The following CSGALNACT1 variants were observed in gnomAD, a reference collection of about 807,000 sequenced individuals.
The protein encoded by CSGALNACT1 is chondroitin sulfate N-acetylgalactosaminyltransferase 1, also known as beta4GalNAcT-1.
In CSGALNACT1, 52 loss-of-function variants were observed where a neutral mutation model predicts 51.0. The ratio of observed to expected loss-of-function variants is 1.02; its 90% CI spans 0.82 to 1.29. The LOEUF (loss-of-function observed/expected upper bound fraction) is 1.29. Ranked by LOEUF, CSGALNACT1 falls within the 50% of genes most tolerant of loss-of-function variation. The pLI is 0.00. For missense variants in CSGALNACT1, 935 were observed against 679.2 expected (o/e 1.38, Z -4.19); for synonymous variants, 341 against 254.4 (o/e 1.34, Z -3.24).
rs536366613 is a variant in CSGALNACT1 at position 19,629,424 on chromosome 8, A to G, written c.-543-27559T>C. 9.8e-5 allele frequency among the ~76,000 whole-genome samples: 15 copies of G among 152,338 alleles called. No homozygotes were observed. The South Asian group carries it at 1.0e-3, about 11-fold the overall frequency. ...TCTGTTTGAATCCTCGTAGGTAACT[A>G]TGAAGCAGGTATAGCTGTTCCCATT... On this transcript the variant is annotated intron_variant, in intron 1 of 9. Coordinates refer to the CSGALNACT1 transcript ENST00000332246.
intron 1 of CSGALNACT1, among the ~76,000 whole-genome samples, chr8:19,708,332 G>A (rs2062302640): frequency 6.6e-6 from 1 of 152,198 alleles, no homozygotes; most frequent in Non-Finnish European, 1.5e-5. Flanking sequence ...CCATCAGCGT[G>A]AGGTATTTTC....
chr8:19,440,053 A>T lies in CSGALNACT1; in HGVS notation c.852-122T>A, dbSNP rs549911355. ...AGGAAACTAGGTAAACTTCCAGGAG[A>T]GCCGAGATGGGAATCCAGAACCTTT... On this transcript the variant is annotated intron_variant, in intron 5 of 9. Coordinates refer to ENST00000454498, the Ensembl canonical transcript of CSGALNACT1. 31 of 788,398 alleles carry T rather than the reference A, an allele frequency of 3.9e-5. No homozygotes were observed. In the South Asian group the frequency reaches 4.1e-4, roughly 11 times the overall value. The allele number at this position is 788,398 out of a possible 1,614,324, so 48.8% of individuals were successfully genotyped here. A position where few individuals can be genotyped will look rare whatever the true frequency, so the allele number is the denominator to read the frequency against.
intron 4 of CSGALNACT1, among the ~76,000 whole-genome samples, chr8:19,483,340 T>A (rs886490541): frequency 6.6e-6 from 1 of 152,240 alleles, no homozygotes; most frequent in Non-Finnish European, 1.5e-5. Context: ...GTTAAAGCAC[T>A]TCATTATGTC....
In CSGALNACT1 at chr8:19,426,712, CAG is replaced by C. The variant is rs2058828686; in HGVS notation, c.954-6196_954-6195del. Among the ~76,000 whole-genome samples the C allele has an allele frequency of 6.6e-5, 10 of 152,306 alleles. No homozygotes were observed. In the South Asian group the frequency reaches 2.1e-3, roughly 32 times the overall value. ...TGCACGGAGACTCCTCTAAGTTACA[CAG>C]AGTCATTTTTATAGAGGTTATAATG... On this transcript the variant is annotated intron_variant, in intron 6 of 9. Coordinates refer to ENST00000454498, the Ensembl canonical transcript of CSGALNACT1.
Position 19,647,803 on chromosome 8 carries a change from T to C in CSGALNACT1, c.-544+34670A>G, listed in dbSNP as rs10283297. On this transcript the variant is annotated intron_variant, in intron 1 of 9. Transcript: ENST00000332246. ...TTTACTTAGGATATTATATTATCAT[T>C]TGAAAGTATTTGGAATAAACTTTCA... Among the ~76,000 whole-genome samples, 642 of 152,348 alleles carry C rather than the reference T, an allele frequency of 4.2e-3. 5 individuals carry two copies. The highest frequency in any genetic ancestry group is 0.015 in the African/African-American group (608 of 41,584).
At chr8:19,560,372 T>C (rs1323351288) in intron 3 of CSGALNACT1, among the ~76,000 whole-genome samples, 1 of 152,196 alleles carries the variant, frequency 6.6e-6, no homozygotes, top group East Asian at 1.9e-4. Context: ...AACAACCTTA[T>C]GAAGTGGCTG....
intron 3 of CSGALNACT1, among the ~76,000 whole-genome samples, chr8:19,526,415 A>C (rs1053110769): frequency 6.6e-6 from 1 of 152,092 alleles, no homozygotes; most frequent in African/African-American, 2.4e-5. Context: ...AAACTTCATC[A>C]CTACTAAAAA....
chr8:19,571,720 T>A (rs1221778460), intron 3 of CSGALNACT1, among the ~76,000 whole-genome samples: 1 of 152,132 alleles, frequency 6.6e-6, no homozygotes, highest in Admixed American at 6.5e-5. Context: ...CACTGAAAAA[T>A]GGCCTCAGCT....
At chr8:19,680,904 G>C (rs186408690) in intron 1 of CSGALNACT1, among the ~76,000 whole-genome samples, 1 of 152,198 alleles carries the variant, frequency 6.6e-6, no homozygotes, top group East Asian at 1.9e-4. Flanking sequence ...AGTGCCATAT[G>C]TCAGGTTTCT....
At chr8:19,702,954 C>G (rs533388958) in intron 1 of CSGALNACT1, among the ~76,000 whole-genome samples, 1 of 152,080 alleles carries the variant, frequency 6.6e-6, no homozygotes, top group Admixed American at 6.5e-5. Flanking sequence ...CCCCTCTTAG[C>G]CCCCTTCCTG....
intron 3 of CSGALNACT1, among the ~76,000 whole-genome samples, chr8:19,516,096 C>G (rs147394561): frequency 0.023 from 3,535 of 152,238 alleles, 134 homozygotes; most frequent in African/African-American, 0.081. Context: ...CCGCATGAAA[C>G]CAGCCTTCCA....
intron 3 of CSGALNACT1, among the ~76,000 whole-genome samples, chr8:19,556,103 C>T (rs1247582834): frequency 6.6e-6 from 1 of 152,084 alleles, no homozygotes; most frequent in African/African-American, 2.4e-5. Flanking sequence ...TTTGGCCGGG[C>T]AGGGTGGTTC....
intron 3 of CSGALNACT1, among the ~76,000 whole-genome samples, chr8:19,590,522 T>C (rs1207336756): frequency 6.6e-6 from 1 of 152,134 alleles, no homozygotes; most frequent in East Asian, 1.9e-4. Context: ...CACATCCCAC[T>C]GCTCACTGTG....
chr8:19,436,631 G>C (rs1162626061), intron 6 of CSGALNACT1, among the ~76,000 whole-genome samples: 2 of 152,186 alleles, frequency 1.3e-5, no homozygotes, highest in African/African-American at 2.4e-5. Context: ...GGGAGGCTGG[G>C]TGTAGAGGAT....
chr8:19,702,268 T>C (rs546842615), intron 1 of CSGALNACT1, among the ~76,000 whole-genome samples: 1 of 152,258 alleles, frequency 6.6e-6, no homozygotes, highest in Admixed American at 6.5e-5. Flanking sequence ...CTCACACCTG[T>C]AATCCCAATG....
At chr8:19,554,156 A>T (rs538687493) in intron 3 of CSGALNACT1, among the ~76,000 whole-genome samples, 4 of 152,180 alleles carry the variant, frequency 2.6e-5, no homozygotes, top group Non-Finnish European at 5.9e-5. Context: ...TCAGAACTCA[A>T]AAGAAAAAAA....
At chr8:19,583,081 C>A (rs1475097808) in intron 3 of CSGALNACT1, among the ~76,000 whole-genome samples, 3 of 152,036 alleles carry the variant, frequency 2.0e-5, no homozygotes, top group Non-Finnish European at 4.4e-5. Flanking sequence ...TAAACACATG[C>A]AATTTTTATT....
At chr8:19,518,435 A>G (rs1168975820) in intron 3 of CSGALNACT1, among the ~76,000 whole-genome samples, 1 of 148,050 alleles carries the variant, frequency 6.8e-6, no homozygotes, top group East Asian at 1.9e-4. Context: ...AGCTATTTGC[A>G]TAATAATATT....
chr8:19,496,790 G>C (rs530827462), intron 4 of CSGALNACT1, among the ~76,000 whole-genome samples: 32 of 152,284 alleles, frequency 2.1e-4, no homozygotes, highest in Admixed American at 2.0e-3. Flanking sequence ...GCTCAGTGCA[G>C]ATGAGTAGGG....
Sources: gnomAD v4.1 joint callset for allele counts (sites outside exome capture counted in the v4.1 genomes callset) on GRCh38, gnomAD v4.1.1 for gene constraint, MANE v1.5 for transcripts, NCBI Gene and HGNC (gene_info 2026-07-23, HGNC 2026-07-21) for gene names.